PMF1: variants seen among roughly 807,000 people sequenced by gnomAD.
PMF1 encodes polyamine modulated factor 1, also known as polyamine-modulated factor 1.
A neutral mutation model predicts 26.7 loss-of-function variants in PMF1; 21 were observed. The observed-to-expected ratio is 0.79, with a 90% CI of 0.56 to 1.13. The LOEUF (loss-of-function observed/expected upper bound fraction) is 1.13. Among genes scored for constraint, PMF1 ranks in the 50% most tolerant of loss-of-function variants. PMF1 has a pLI of 0.00. For missense variants in PMF1, 266 were observed against 254.9 expected (o/e 1.04, Z -0.30); for synonymous variants, 105 against 101.0 (o/e 1.04, Z -0.24).
rs1457165988 is a variant in PMF1, at chr1:156,239,823, T to TAG, written c.*222_*223insAG. ...TACACCCCCTTTAGATTCCTCTGTT[T>TAG]CTTCTACCTGGATAATTCTTGGCCA... On this transcript the variant is annotated 3_prime_UTR_variant, in exon 5 of 5. Transcript: ENST00000368277. 5.0e-5 allele frequency: 26 copies of TAG among 519,926 alleles called. No individual in the cohort carries two copies. Among genetic ancestry groups the TAG allele is most frequent in the Non-Finnish European group, 8.2e-5 (24 of 292,628 alleles). 32.2% of individuals were successfully genotyped at this position (519,926 alleles called of 1,614,324 possible).
rs551755441 is a variant in PMF1, at chr1:156,239,585, T to G, written c.602T>G (p.Leu201Arg). 1.4e-5 allele frequency: 22 copies of G among 1,612,632 alleles called. No individual in the cohort carries two copies. The African/African-American group carries it at 2.7e-4, about 20-fold the overall frequency. Residue 201 changes from leucine (L) to arginine (R), a missense_variant, in exon 5 of 5, where the codon CTG (leucine) becomes CGG (arginine). By Grantham distance (102) the Leu-to-Arg change is moderately radical. Coordinates refer to ENST00000368277, the MANE Select transcript of PMF1 (RefSeq NM_007221.4). ...HREQRELVAV[L>R]REPE ...GAACAGAGGGAGCTGGTTGCTGTGC[T>G]GAGGGAGCCTGAGTGAGGAGACCGC...
At chr1:156,225,143 G>A (rs368745845) in intron 1 of PMF1, among the ~76,000 whole-genome samples, 83 of 152,046 alleles carry the variant, frequency 5.5e-4, no homozygotes, top group African/African-American at 1.9e-3. Context: ...CAGGTAATCC[G>A]CCCACCTCAG....
intron 3 of PMF1, 27 bp downstream of exon 3, chr1:156,233,755 G>A: frequency 1.3e-6 from 2 of 1,586,728 alleles, no homozygotes; most frequent in Non-Finnish European, 1.7e-6. Context: ...GAGGTGAGAA[G>A]GTACAGGAAA....
intron 1 of PMF1, among the ~76,000 whole-genome samples, 165 bp from the exon 2 acceptor site, chr1:156,232,155 C>T (rs745660683): frequency 5.3e-5 from 8 of 152,204 alleles, no homozygotes; most frequent in East Asian, 1.9e-4. Context: ...GAACCATCCT[C>T]GGTGACTCGT....
chr1:156,214,566 A>T (rs1482829714), intron 1 of PMF1, among the ~76,000 whole-genome samples: 1 of 152,140 alleles, frequency 6.6e-6, no homozygotes, highest in Admixed American at 6.5e-5. Flanking sequence ...ACATCATCAC[A>T]TAGGCTGGTA....
Position 156,232,351 on chromosome 1 carries a change from T to C in PMF1, c.193T>C (p.Phe65Leu), listed in dbSNP as rs147468189. 46 of 1,614,020 alleles carry C rather than the reference T, an allele frequency of 2.9e-5. No homozygotes were observed. The highest frequency in any genetic ancestry group is 3.7e-5 in the Non-Finnish European group (44 of 1,179,978). ...YQRFTDCYKC[F>L]YQLQPAMTQQ... is the part of the protein sequence containing the mutation. ...GAGATTCACTGACTGCTATAAGTGC[T>C]TCTACCAGTTGCAGCCTGCGATGAC... Residue 65 changes from phenylalanine (F) to leucine (L), a missense_variant, in exon 2 of 5, where the codon TTC becomes CTC. Transcript: ENST00000368277.
At chr1:156,226,114 C>G (rs1160204593) in intron 1 of PMF1, among the ~76,000 whole-genome samples, 1 of 152,066 alleles carries the variant, frequency 6.6e-6, no homozygotes, top group Non-Finnish European at 1.5e-5. Context: ...TTCGGCCTCC[C>G]AAAGCACTGG....
At chr1:156,229,890 A>C (rs1411373254) in intron 1 of PMF1, among the ~76,000 whole-genome samples, 3 of 152,010 alleles carry the variant, frequency 2.0e-5, no homozygotes, top group Non-Finnish European at 4.4e-5. Context: ...TTTTAAAGTT[A>C]ATTTATTGTC....
chr1:156,233,782 T>TTC, intron 3 of PMF1, 54 bp downstream of exon 3: 1 of 350,336 alleles, frequency 2.9e-6, no homozygotes, highest in East Asian at 1.1e-4. Flanking sequence ...GCAATTAAGC[T>TTC]TTTTTTTTTT....
At chr1:156,230,104 C>G (rs1396366996) in intron 1 of PMF1, among the ~76,000 whole-genome samples, 1 of 152,198 alleles carries the variant, frequency 6.6e-6, no homozygotes, top group African/African-American at 2.4e-5. Flanking sequence ...GAGGACCCAG[C>G]AGTGACTCCC....
At chr1:156,226,633 G>A (rs913386060) in intron 1 of PMF1, among the ~76,000 whole-genome samples, 4 of 152,230 alleles carry the variant, frequency 2.6e-5, no homozygotes, top group African/African-American at 4.8e-5. Context: ...GCTGGGCACC[G>A]TACTGAGGAC....
chr1:156,213,272 G>T, intron 1 of PMF1, 96 bp downstream of exon 1: 2 of 1,532,276 alleles, frequency 1.3e-6, no homozygotes, highest in African/African-American at 1.4e-5. Context: ...CGGTGACGTG[G>T]GTCCGCGTTG....
At chr1:156,232,283 T>C (rs760156119) in intron 1 of PMF1, 37 bp from the exon 2 acceptor site, 4 of 1,603,258 alleles carry the variant, frequency 2.5e-6, no homozygotes, top group Non-Finnish European at 3.4e-6. Context: ...GCCTCATGCT[T>C]GGCCCTCCCC....
At chr1:156,225,002 C>T (rs1480223236) in intron 1 of PMF1, among the ~76,000 whole-genome samples, 3 of 151,768 alleles carry the variant, frequency 2.0e-5, no homozygotes, top group African/African-American at 7.2e-5. Context: ...CGGGTTAAAG[C>T]GATTCTCCTG....
intron 1 of PMF1, among the ~76,000 whole-genome samples, chr1:156,225,224 A>G (rs1207102840): frequency 1.3e-5 from 2 of 150,238 alleles, no homozygotes; most frequent in Non-Finnish European, 3.0e-5. Context: ...AATGAAATGG[A>G]CAGCCGTATA....
intron 3 of PMF1, among the ~76,000 whole-genome samples, chr1:156,234,755 T>G (rs1438719410): frequency 6.6e-6 from 1 of 152,008 alleles, no homozygotes; most frequent in Non-Finnish European, 1.5e-5. Flanking sequence ...GTGATCCTCC[T>G]GCCTCGGCCT....
chr1:156,234,810 C>T (rs770315462), intron 3 of PMF1, among the ~76,000 whole-genome samples: 5 of 151,878 alleles, frequency 3.3e-5, no homozygotes, highest in Non-Finnish European at 5.9e-5. Context: ...CGCCCAGCCT[C>T]GATACTGTTT....
chr1:156,230,621 A>G (rs368150781), intron 1 of PMF1, among the ~76,000 whole-genome samples: 7 of 152,314 alleles, frequency 4.6e-5, no homozygotes, highest in African/African-American at 1.4e-4. Context: ...GGAGGGAGAA[A>G]AACAGCCAAA....
rs2103131687 is a variant in PMF1, at chr1:156,236,525, G to A, written c.564+42G>A. 2.6e-6 allele frequency: 4 copies of A among 1,548,460 alleles called. No individual in the cohort carries two copies. The Middle Eastern group carries it at 5.1e-4, about 196-fold the overall frequency. On this transcript the variant is annotated intron_variant, in intron 4 of 4. Transcript: ENST00000368277. ...GCCTCTTCCTCTTCCTTCTCTAATG[G>A]GCCCTCTGAGATCCGCAAATTGGTG...
Sources: gnomAD v4.1 joint callset for allele counts (sites outside exome capture counted in the v4.1 genomes callset) on GRCh38, gnomAD v4.1.1 for gene constraint, MANE v1.5 for transcripts, NCBI Gene and HGNC (gene_info 2026-07-23, HGNC 2026-07-21) for gene names.